The following CLSTN2 variants were observed in gnomAD, a reference collection of about 807,000 sequenced individuals.
CLSTN2 encodes calsyntenin-2.
A neutral mutation model predicts 101.2 loss-of-function variants in CLSTN2; 48 were observed. The ratio of observed to expected loss-of-function variants is 0.47; its 90% CI spans 0.38 to 0.60. CLSTN2 has a LOEUF of 0.60. Among genes scored for constraint, CLSTN2 ranks in the 20% least tolerant of loss-of-function variants. The pLI is 0.00. For missense variants in CLSTN2, 1,160 were observed against 1,238.2 expected, an observed-to-expected ratio of 0.94 and a Z score of 0.95; for synonymous variants, 481 against 463.6, an observed-to-expected ratio of 1.04 and a Z score of -0.48.
chr3:140,017,984 G>A (rs928901183), intron 1 of CLSTN2, among the ~76,000 whole-genome samples: 1 of 152,210 alleles, frequency 6.6e-6, no homozygotes, highest in Admixed American at 6.5e-5. Flanking sequence ...TGGTGCCTCT[G>A]CAGACAGACC....
At chr3:140,238,154 A>T (rs1165921075) in intron 2 of CLSTN2, among the ~76,000 whole-genome samples, 2 of 152,276 alleles carry the variant, frequency 1.3e-5, no homozygotes, top group East Asian at 3.9e-4. Context: ...CCTATCTTAC[A>T]TCTGAGGACA....
At chr3:140,486,062 C>T in intron 8 of CLSTN2, among the ~76,000 whole-genome samples, 1 of 151,950 alleles carries the variant, frequency 6.6e-6, no homozygotes, top group East Asian at 1.9e-4. Flanking sequence ...TAGAATGGAG[C>T]TGTTCCTATT....
chr3:140,500,346 C>T (rs1484722107), intron 8 of CLSTN2, among the ~76,000 whole-genome samples: 1 of 152,130 alleles, frequency 6.6e-6, no homozygotes, highest in African/African-American at 2.4e-5. Flanking sequence ...GAAAGAAAGA[C>T]TTACTTCAAA....
chr3:140,465,794 G>A (rs983784989), intron 7 of CLSTN2, among the ~76,000 whole-genome samples: 2 of 151,936 alleles, frequency 1.3e-5, no homozygotes, highest in African/African-American at 4.8e-5. Flanking sequence ...CTGAATCCAG[G>A]GCCCATGCTC....
chr3:140,415,351 C>G (rs2088416822), intron 4 of CLSTN2, among the ~76,000 whole-genome samples: 1 of 151,788 alleles, frequency 6.6e-6, no homozygotes, highest in Admixed American at 6.5e-5. Flanking sequence ...CAATATCAAA[C>G]TAAAAAGCTC....
intron 1 of CLSTN2, among the ~76,000 whole-genome samples, chr3:140,044,788 C>T (rs1021082661): frequency 2.0e-5 from 3 of 152,284 alleles, no homozygotes; most frequent in African/African-American, 7.2e-5. Flanking sequence ...TTGAGATAAT[C>T]ATGTGGTTTT....
At chr3:140,194,797 C>T (rs905293424) in intron 2 of CLSTN2, among the ~76,000 whole-genome samples, 9 of 152,254 alleles carry the variant, frequency 5.9e-5, no homozygotes, top group Admixed American at 5.9e-4. Flanking sequence ...TCCAGCTTCT[C>T]ATATGGTATC....
intron 2 of CLSTN2, among the ~76,000 whole-genome samples, chr3:140,351,960 A>G (rs2087611264): frequency 6.6e-6 from 1 of 152,164 alleles, no homozygotes; most frequent in Admixed American, 6.5e-5. Context: ...GAAAGTTAGA[A>G]AGGAAATTTA....
intron 9 of CLSTN2, among the ~76,000 whole-genome samples, chr3:140,537,180 T>C (rs1199759906): frequency 3.9e-5 from 6 of 152,206 alleles, no homozygotes; most frequent in Admixed American, 3.3e-4. Flanking sequence ...CTAGCTCCCA[T>C]TTGTGAAATT....
chr3:140,033,207 A>G (rs920680488), intron 1 of CLSTN2, among the ~76,000 whole-genome samples: 1 of 152,346 alleles, frequency 6.6e-6, no homozygotes, highest in African/African-American at 2.4e-5. Flanking sequence ...AATACTGCAC[A>G]GACCTTCTGT....
intron 16 of CLSTN2, among the ~76,000 whole-genome samples, chr3:140,565,777 G>A (rs369590897): frequency 1.4e-4 from 21 of 152,188 alleles, no homozygotes; most frequent in Non-Finnish European, 2.4e-4. Flanking sequence ...GATAGGATTG[G>A]CTAAAATGTC....
intron 2 of CLSTN2, among the ~76,000 whole-genome samples, chr3:140,271,300 C>A (rs1263217279): frequency 2.0e-5 from 3 of 152,112 alleles, no homozygotes; most frequent in African/African-American, 7.2e-5. Context: ...ATTTGGTGTG[C>A]CTCTGTTAGC....
rs190884003 is a variant in CLSTN2, at chr3:140,036,369, C to T, written c.109+100886C>T. Among the ~76,000 whole-genome samples, 330 of 152,306 alleles carry T rather than the reference C, an allele frequency of 2.2e-3. 1 individual carries two copies. Among genetic ancestry groups the T allele is most frequent in the Middle Eastern group, 0.01 (3 of 294 alleles). ...TATGCTGCTTTTAATTAGGGACCAA[C>T]ACTGAGACAGCTTGGCTGAAGCCTA... is the stretch of plus-strand genomic sequence containing the variant. On this transcript the variant is annotated intron_variant, in intron 1 of 16. Transcript: ENST00000458420.
At chr3:140,081,635 T>C (rs554950080) in intron 1 of CLSTN2, among the ~76,000 whole-genome samples, 4 of 126,098 alleles carry the variant, frequency 3.2e-5, no homozygotes. Context: ...GAGTCCTCCC[T>C]TTCCTGCTCA....
chr3:139,967,519 C>G (rs1212417271), intron 1 of CLSTN2, among the ~76,000 whole-genome samples: 1 of 152,164 alleles, frequency 6.6e-6, no homozygotes, highest in Middle Eastern at 3.2e-3. Context: ...CCTTCAGCAA[C>G]AAGCCAAGGG....
chr3:140,473,214 G>A (rs998888595), intron 8 of CLSTN2, among the ~76,000 whole-genome samples: 5 of 152,164 alleles, frequency 3.3e-5, no homozygotes, highest in African/African-American at 4.8e-5. Context: ...CCCCTTTCCT[G>A]CAGCTTTTCA....
chr3:140,217,678 T>C (rs2010937222), intron 2 of CLSTN2, among the ~76,000 whole-genome samples: 1 of 152,222 alleles, frequency 6.6e-6, no homozygotes, highest in Non-Finnish European at 1.5e-5. Context: ...GTGGCATATA[T>C]GACACATTTC....
At chr3:140,215,846 A>G (rs1041571535) in intron 2 of CLSTN2, among the ~76,000 whole-genome samples, 2 of 152,226 alleles carry the variant, frequency 1.3e-5, no homozygotes, top group South Asian at 4.1e-4. Flanking sequence ...TGAGTACTCA[A>G]TATGTATTAT....
intron 1 of CLSTN2, among the ~76,000 whole-genome samples, chr3:140,024,047 C>T (rs55722058): frequency 0.19 from 28,446 of 152,090 alleles, 2,856 homozygotes; most frequent in Admixed American, 0.29. Context: ...GGGTGTGAAC[C>T]CCGGCTCTGC....
Sources: gnomAD v4.1 joint callset for allele counts (sites outside exome capture counted in the v4.1 genomes callset) on GRCh38, gnomAD v4.1.1 for gene constraint, MANE v1.5 for transcripts, NCBI Gene and HGNC (gene_info 2026-07-23, HGNC 2026-07-21) for gene names.